The following DYNC1I2 variants were observed in gnomAD, a reference collection of about 807,000 sequenced individuals.
The protein encoded by DYNC1I2 is cytoplasmic dynein 1 intermediate chain 2.
Under a neutral mutation model 88.6 loss-of-function variants are expected in DYNC1I2, and 53 were observed. The observed-to-expected ratio is 0.60, with a 90% confidence interval of 0.48 to 0.75. The LOEUF (loss-of-function observed/expected upper bound fraction) is 0.75. DYNC1I2 is among the 30% of genes least tolerant of loss of function. The pLI, the probability that DYNC1I2 is intolerant of heterozygous loss-of-function variation, is 0.00. For synonymous variants in DYNC1I2, 198 were observed against 254.6 expected (o/e 0.78, Z 2.12); for missense variants, 458 against 766.6 (o/e 0.60, Z 4.75).
intron 15 of DYNC1I2, among the ~76,000 whole-genome samples, chr2:171,733,459 CTTTTTTTTTTTTT>C (rs61079902): frequency 2.9e-4 from 16 of 55,772 alleles, no homozygotes; most frequent in African/African-American, 3.5e-4. Flanking sequence ...TTGCCAGCAT[CTTTTTTTTTTTTT>C]TTTTTTTTTT....
chr2:171,721,797 A>G (rs1337828552), intron 7 of DYNC1I2, among the ~76,000 whole-genome samples: 1 of 152,178 alleles, frequency 6.6e-6, no homozygotes, highest in African/African-American at 2.4e-5. Flanking sequence ...AAAACTACAT[A>G]GTAAATTGAT....
At chr2:171,723,340 A>G (rs528342928) in intron 7 of DYNC1I2, among the ~76,000 whole-genome samples, 1 of 152,376 alleles carries the variant, frequency 6.6e-6, no homozygotes, top group African/African-American at 2.4e-5. Flanking sequence ...ACATACAGTG[A>G]AACCTACTAG....
In DYNC1I2 at chr2:171,705,919, AT is replaced by A. The variant is rs933829064; in HGVS notation, c.227-619del. Among the ~76,000 whole-genome samples, 100 of 151,458 alleles carry A rather than the reference AT, an allele frequency of 6.6e-4. 4 individuals are homozygous for A. Among genetic ancestry groups the A allele is most frequent in the African/African-American group, 2.3e-3 (94 of 41,364 alleles). On this transcript the variant is annotated intron_variant, in intron 3 of 17. Coordinates refer to ENST00000397119, the MANE Select transcript of DYNC1I2 (RefSeq NM_001378.3). Reference sequence around the variant, plus strand: ...TTAGGAAAGAAATATTCTAGTTGTGATTTTTTTTTCTTATAATCTTATTGGT... The same window carrying A: ...TTAGGAAAGAAATATTCTAGTTGTGATTTTTTTTCTTATAATCTTATTGGT...
chr2:171,702,383 A>G (rs139068465), intron 3 of DYNC1I2, among the ~76,000 whole-genome samples: 105 of 152,318 alleles, frequency 6.9e-4, no homozygotes, highest in African/African-American at 2.4e-3. Context: ...GCATTTCATA[A>G]TCCTTAAAAC....
chr2:171,692,680 T>C (rs1685484712), intron 2 of DYNC1I2, 97 bp from the exon 3 acceptor site: 1 of 776,838 alleles, frequency 1.3e-6, no homozygotes, highest in Non-Finnish European at 2.0e-6. Flanking sequence ...AGTTCATGCC[T>C]TAAAAGTATA....
chr2:171,728,394 T>G lies in DYNC1I2; in HGVS notation c.1233T>G (p.Ser411Arg). ...ISTDGKICSWSLDMLSHPQDS... is the reference protein window; with the variant it reads ...ISTDGKICSWRLDMLSHPQDS... ...CTGATGGAAAAATTTGTTCATGGAG[T>G]CTGGACATGCTTTCCCATCCACAGG... The change falls in exon 13 of 18, where the codon AGT becomes AGG. Residue 411 changes from serine (S) to arginine (R), a missense_variant. Transcript: ENST00000397119. 1.3e-6 allele frequency: 2 copies of G among 1,597,262 alleles called. No homozygotes were observed. The highest frequency in any genetic ancestry group is 1.7e-6 in the Non-Finnish European group (2 of 1,172,940).
chr2:171,690,628 C>A (rs191399967), intron 2 of DYNC1I2, among the ~76,000 whole-genome samples: 32 of 149,724 alleles, frequency 2.1e-4, no homozygotes, highest in Non-Finnish European at 4.0e-4. Context: ...TAAAGTAAGG[C>A]GCATCTGTAT....
At chr2:171,721,014 A>T (rs1370463181) in intron 7 of DYNC1I2, among the ~76,000 whole-genome samples, 1 of 150,920 alleles carries the variant, frequency 6.6e-6, no homozygotes, top group Non-Finnish European at 1.5e-5. Flanking sequence ...TGACTGGTCA[A>T]GGTGGTGTGC....
At chr2:171,699,612 G>GTT (rs1686059709) in intron 3 of DYNC1I2, among the ~76,000 whole-genome samples, 2 of 151,232 alleles carry the variant, frequency 1.3e-5, no homozygotes, top group African/African-American at 4.9e-5. Flanking sequence ...GTGTGTGTGT[G>GTT]TGTGTGTGTG....
chr2:171,718,724 C>G (rs1687697922), intron 7 of DYNC1I2, among the ~76,000 whole-genome samples: 1 of 152,056 alleles, frequency 6.6e-6, no homozygotes, highest in Non-Finnish European at 1.5e-5. Flanking sequence ...TGAGCCACTG[C>G]CCCGGCCGTC....
At chr2:171,705,996 ATGTT>A (rs1245643885) in intron 3 of DYNC1I2, among the ~76,000 whole-genome samples, 1 of 152,000 alleles carries the variant, frequency 6.6e-6, no homozygotes, top group Non-Finnish European at 1.5e-5. Context: ...TTTTATACTT[ATGTT>A]TAAGATGTGA....
At chr2:171,692,929 G>A (rs1445741995) in intron 3 of DYNC1I2, 35 bp downstream of exon 3, 4 of 1,445,442 alleles carry the variant, frequency 2.8e-6, no homozygotes, top group Non-Finnish European at 3.8e-6. Flanking sequence ...ATAAGAGATA[G>A]GCATAGATTC....
rs1195678594 is a variant in DYNC1I2, at chr2:171,744,278, A to C, written c.1677+89A>C. Reference sequence around the variant, plus strand: ...TGTGAAATTCCTTTTTTTCCAAAGAATGTAAAAGGGTTCTGTGATTGTAGA... The same window carrying C: ...TGTGAAATTCCTTTTTTTCCAAAGACTGTAAAAGGGTTCTGTGATTGTAGA... On this transcript the variant is annotated intron_variant, in intron 16 of 17. Transcript: ENST00000397119. 3 of 1,351,092 alleles carry C rather than the reference A, an allele frequency of 2.2e-6. No individual in the cohort carries two copies. In the African/African-American group the frequency reaches 4.4e-5, roughly 20 times the overall value. The allele number at this position is 1,351,092 out of a possible 1,614,324, so 83.7% of individuals were successfully genotyped here.
At chr2:171,745,761 A>G (rs374737740) in intron 16 of DYNC1I2, 41 bp from the exon 17 acceptor site, 95 of 1,580,406 alleles carry the variant, frequency 6.0e-5, no homozygotes, top group Non-Finnish European at 7.8e-5. Context: ...AGAAATCTTG[A>G]TGAAACTTTT....
rs575973176 is a variant in DYNC1I2 at position 171,738,196 on chromosome 2, GTGGCACACACC to G, written c.1537-5850_1537-5840del. ...AAAATACAAAAATTAGCTGGGCATGGTGGCACACACCTGTAATCCCAGCTACTCGGGAGGCT... is the reference window on the plus strand; with the variant it reads ...AAAATACAAAAATTAGCTGGGCATGGTGTAATCCCAGCTACTCGGGAGGCT... On this transcript the variant is annotated intron_variant, in intron 15 of 17. Coordinates refer to ENST00000397119, the MANE Select transcript of DYNC1I2 (RefSeq NM_001378.3). Among the ~76,000 whole-genome samples the G allele has an allele frequency of 1.9e-3, 291 of 152,128 alleles. 3 individuals carry two copies. The highest frequency in any genetic ancestry group is 0.017 in the East Asian group (90 of 5,172).
chr2:171,689,104 A>G (rs1574491250), intron 1 of DYNC1I2, among the ~76,000 whole-genome samples: 1 of 152,188 alleles, frequency 6.6e-6, no homozygotes, highest in South Asian at 2.1e-4. Context: ...AATTGTGTCT[A>G]CCGTATCCAT....
At chr2:171,715,012 C>T (rs1687389543) in intron 6 of DYNC1I2, among the ~76,000 whole-genome samples, 1 of 152,076 alleles carries the variant, frequency 6.6e-6, no homozygotes, top group Non-Finnish European at 1.5e-5. Context: ...CTTACGACAA[C>T]CTTATTCAGT....
chr2:171,736,611 C>T (rs1376290214), intron 15 of DYNC1I2, among the ~76,000 whole-genome samples: 2 of 152,172 alleles, frequency 1.3e-5, no homozygotes, highest in African/African-American at 2.4e-5. Flanking sequence ...TAGTAATTCT[C>T]AAAATCCATT....
At chr2:171,745,770 T>C (rs1381744135) in intron 16 of DYNC1I2, 32 bp from the exon 17 acceptor site, 4 of 1,604,126 alleles carry the variant, frequency 2.5e-6, no homozygotes, top group Non-Finnish European at 3.4e-6. Flanking sequence ...GATGAAACTT[T>C]TAACACTGTC....
Sources: allele counts gnomAD v4.1 joint callset (sites outside exome capture counted in the v4.1 genomes callset), GRCh38; gene constraint gnomAD v4.1.1; transcripts MANE v1.5; gene names NCBI Gene and HGNC (gene_info 2026-07-23, HGNC 2026-07-21).